TRPM3: variants seen among roughly 807,000 people sequenced by gnomAD.
TRPM3 encodes the protein long transient receptor potential channel 3.
TRPM3 carries 77 observed loss-of-function variants against 181.2 expected under a neutral mutation model. The observed-to-expected ratio is 0.42, with a 90% CI of 0.35 to 0.51. The LOEUF is 0.51. TRPM3 is among the 20% of genes least tolerant of loss of function. The probability of loss-of-function intolerance (pLI) is 0.01; values close to 1 mark genes in which losing one functional copy is unlikely to be tolerated. For missense variants in TRPM3, 1,759 were observed against 2,196.7 expected (o/e 0.80, Z 3.98); for synonymous variants, 745 against 796.4 (o/e 0.94, Z 1.09).
chr9:70,795,579 T>C (rs1209183602), intron 6 of TRPM3, among the ~76,000 whole-genome samples: 1 of 152,238 alleles, frequency 6.6e-6, no homozygotes, highest in Admixed American at 6.5e-5. Context: ...AAAGGCTAAC[T>C]CTTCCTGCTT....
Position 70,553,330 on chromosome 9 carries a change from C to A in TRPM3, c.3224-20G>T, listed in dbSNP as rs1230041610. 1 of 1,609,974 alleles carries A rather than the reference C, an allele frequency of 6.2e-7. No homozygotes were observed. Among genetic ancestry groups the A allele is most frequent in the African/African-American group, 1.3e-5 (1 of 74,654 alleles). On this transcript the variant is annotated intron_variant, in intron 22 of 25. Transcript: ENST00000677713. ...AGGGAGCTGGAGGGAGCAACACACACAAGAAATGAGAAACTGGCTATTTGA... is the reference window on the plus strand; with the variant it reads ...AGGGAGCTGGAGGGAGCAACACACAAAAGAAATGAGAAACTGGCTATTTGA...
chr9:70,901,711 T>C (rs530930495), intron 1 of TRPM3, among the ~76,000 whole-genome samples: 54 of 152,286 alleles, frequency 3.5e-4, no homozygotes, highest in Admixed American at 1.8e-3. Context: ...CTTTGAAAAT[T>C]TGAAGCATCT....
At chr9:71,021,142 T>C (rs1187335645) in intron 1 of TRPM3, among the ~76,000 whole-genome samples, 1 of 152,168 alleles carries the variant, frequency 6.6e-6, no homozygotes, top group Non-Finnish European at 1.5e-5. Context: ...TAATATTGTA[T>C]CTCTCAATTT....
chr9:71,350,956 A>G (rs2091592096), intron 1 of TRPM3, among the ~76,000 whole-genome samples: 1 of 152,216 alleles, frequency 6.6e-6, no homozygotes, highest in Non-Finnish European at 1.5e-5. Context: ...CCATGCTCAT[A>G]AAGCAACTAT....
chr9:70,855,380 A>G (rs1256440902), intron 3 of TRPM3, among the ~76,000 whole-genome samples: 1 of 152,226 alleles, frequency 6.6e-6, no homozygotes, highest in Non-Finnish European at 1.5e-5. Flanking sequence ...TTGAAAATTC[A>G]TCAGTCACCT....
At chr9:70,957,080 C>T (rs377309268) in intron 1 of TRPM3, among the ~76,000 whole-genome samples, 3 of 151,684 alleles carry the variant, frequency 2.0e-5, no homozygotes, top group African/African-American at 4.8e-5. Context: ...CCTGCCTCAG[C>T]CTCCTGAGTA....
At chr9:70,681,481 A>T (rs751399504) in intron 9 of TRPM3, 25 bp downstream of exon 9, 2 of 1,601,504 alleles carry the variant, frequency 1.2e-6, no homozygotes, top group South Asian at 2.2e-5. Context: ...TTATTTTCAC[A>T]CTCTCTGGAC....
At chr9:71,288,410 T>C (rs1178139134) in intron 1 of TRPM3, among the ~76,000 whole-genome samples, 1 of 152,052 alleles carries the variant, frequency 6.6e-6, no homozygotes, top group African/African-American at 2.4e-5. Flanking sequence ...TATGTGCACA[T>C]GTGTATATAC....
intron 6 of TRPM3, among the ~76,000 whole-genome samples, chr9:70,789,287 T>A (rs1224288733): frequency 6.6e-6 from 1 of 152,180 alleles, no homozygotes; most frequent in African/African-American, 2.4e-5. Context: ...TGGGCTGGAT[T>A]CATAGGGCTC....
At chr9:71,294,071 A>G (rs1213788509) in intron 1 of TRPM3, among the ~76,000 whole-genome samples, 3 of 152,060 alleles carry the variant, frequency 2.0e-5, no homozygotes, top group Non-Finnish European at 4.4e-5. Context: ...AATGTAGGCG[A>G]TTATCTTTAT....
At chr9:71,171,205 G>T (rs1565301429) in intron 1 of TRPM3, among the ~76,000 whole-genome samples, 1 of 152,132 alleles carries the variant, frequency 6.6e-6, no homozygotes, top group Admixed American at 6.6e-5. Context: ...AATGACAATG[G>T]TGCCTGAAAC....
chr9:71,032,926 T>C (rs374724338), intron 1 of TRPM3, among the ~76,000 whole-genome samples: 6 of 152,226 alleles, frequency 3.9e-5, no homozygotes, highest in African/African-American at 1.2e-4. Flanking sequence ...TACCTACCTA[T>C]TCATCATAGC....
At chr9:71,194,815 A>G (rs1000827891) in intron 1 of TRPM3, among the ~76,000 whole-genome samples, 1 of 151,990 alleles carries the variant, frequency 6.6e-6, no homozygotes, top group Non-Finnish European at 1.5e-5. Context: ...GAAAAAAAAA[A>G]GAAAACCTTT....
chr9:70,598,284 T>C, intron 21 of TRPM3, 135 bp downstream of exon 21: 2 of 1,161,436 alleles, frequency 1.7e-6, no homozygotes, highest in Non-Finnish European at 2.4e-6. Context: ...TCAAAAGGAA[T>C]TCATAAAATA....
chr9:70,884,219 C>T (rs2096049470), intron 1 of TRPM3, among the ~76,000 whole-genome samples: 1 of 152,152 alleles, frequency 6.6e-6, no homozygotes, highest in Admixed American at 6.5e-5. Flanking sequence ...TTTTTTAAAA[C>T]TTATTTTGTA....
intron 21 of TRPM3, among the ~76,000 whole-genome samples, chr9:70,595,282 A>G (rs977677246): frequency 2.0e-5 from 3 of 152,238 alleles, no homozygotes; most frequent in African/African-American, 7.2e-5. Context: ...AAATAAAATA[A>G]GGTAGCAATC....
At chr9:71,297,931 G>C (rs1335424958) in intron 1 of TRPM3, among the ~76,000 whole-genome samples, 1 of 152,102 alleles carries the variant, frequency 6.6e-6, no homozygotes, top group East Asian at 1.9e-4. Flanking sequence ...ACGGCTCATA[G>C]CTCAGCAGAC....
chr9:71,121,609 C>T lies in TRPM3; in HGVS notation c.-255G>A, dbSNP rs1351713324. The T allele has an allele frequency of 1.0e-5, 13 of 1,249,078 alleles. No homozygotes were observed. The highest frequency in any genetic ancestry group is 3.9e-5 in the Admixed American group (1 of 25,392). 77.4% of individuals were successfully genotyped at this position (1,249,078 alleles called of 1,614,324 possible). ...CAGCCTGTGGTCGGAGTCAAAGCAG[C>T]CTGCTCCAGAATGCGCGCTCCCTCT... On this transcript the variant is annotated 5_prime_UTR_variant, in exon 1 of 26. Transcript: ENST00000677713.
intron 3 of TRPM3, among the ~76,000 whole-genome samples, chr9:70,859,717 C>T (rs11142627): frequency 0.24 from 34,202 of 145,114 alleles, 4,191 homozygotes; most frequent in Non-Finnish European, 0.27. Flanking sequence ...CTACAATTTT[C>T]CAGCAGGAGA....
Sources: gnomAD v4.1 joint callset for allele counts (sites outside exome capture counted in the v4.1 genomes callset) on GRCh38, gnomAD v4.1.1 for gene constraint, MANE v1.5 for transcripts, NCBI Gene and HGNC (gene_info 2026-07-23, HGNC 2026-07-21) for gene names.